The following LIMCH1 variants were observed in gnomAD, a reference collection of about 807,000 sequenced individuals.
The protein encoded by LIMCH1 is LIM and calponin homology domains-containing protein 1.
Under a neutral mutation model 176.5 loss-of-function variants are expected in LIMCH1, and 113 were observed. The observed-to-expected ratio is 0.64, with a 90% CI of 0.55 to 0.75. The LOEUF (loss-of-function observed/expected upper bound fraction) is 0.75. Ranked by LOEUF, LIMCH1 falls within the 30% of genes least tolerant of loss-of-function variation. The probability of loss-of-function intolerance (pLI) is 0.00; values close to 1 mark genes in which losing one functional copy is unlikely to be tolerated. For synonymous variants in LIMCH1, 619 were observed against 645.9 expected, an observed-to-expected ratio of 0.96 and a Z score of 0.63; for missense variants, 1,674 against 1,814.9, an observed-to-expected ratio of 0.92 and a Z score of 1.41.
chr4:41,658,880 A>C (rs2094534949), intron 18 of LIMCH1, among the ~76,000 whole-genome samples: 1 of 152,194 alleles, frequency 6.6e-6, no homozygotes, highest in Non-Finnish European at 1.5e-5. Flanking sequence ...TCAATATTTA[A>C]CTGCAAATTT....
At chr4:41,505,095 G>A (rs374360386) in intron 2 of LIMCH1, among the ~76,000 whole-genome samples, 5 of 152,268 alleles carry the variant, frequency 3.3e-5, no homozygotes, top group East Asian at 3.9e-4. Context: ...TTTGTTCAGT[G>A]TTTGGAACAT....
chr4:41,592,182 A>G (rs1561855150), intron 1 of LIMCH1, among the ~76,000 whole-genome samples: 1 of 152,196 alleles, frequency 6.6e-6, no homozygotes. Context: ...GCATCTCTGA[A>G]TATGTTTTCC....
At chr4:41,601,098 G>A (rs902809350) in intron 2 of LIMCH1, among the ~76,000 whole-genome samples, 1 of 151,954 alleles carries the variant, frequency 6.6e-6, no homozygotes, top group Admixed American at 6.6e-5. Context: ...ATTCCCCCAT[G>A]ACCCTGGCAT....
At position 41,646,198 on chromosome 4, in the gene LIMCH1, A is replaced by T. The variant is rs1285027464; in HGVS notation, c.2329A>T (p.Met777Leu). Residue 777 changes from methionine to leucine, a missense_variant, in exon 16 of 32, where the codon ATG becomes TTG. By Grantham distance (15) the Met-to-Leu change is conservative. Coordinates refer to ENST00000503057, the MANE Select transcript of LIMCH1 (RefSeq NM_001330672.2). ...CAAGAAAGAGGAAGAAAGGAAAAAA[A>T]TGGAGAAGTTACTGGCTGGAGAAGA... ...LIKKEEERKK[M>L]EKLLAGEDGT... 1.2e-6 allele frequency: 2 copies of T among 1,614,184 alleles called. No individual in the cohort carries two copies. Among genetic ancestry groups the T allele is most frequent in the Non-Finnish European group, 1.7e-6 (2 of 1,180,016 alleles).
intron 13 of LIMCH1, among the ~76,000 whole-genome samples, chr4:41,635,632 T>G (rs1217065434): frequency 6.6e-6 from 1 of 152,218 alleles, no homozygotes; most frequent in Non-Finnish European, 1.5e-5. Context: ...TGTGACATAT[T>G]GTGTGAATGA....
intron 1 of LIMCH1, among the ~76,000 whole-genome samples, chr4:41,361,788 C>G (rs1050215256): frequency 6.6e-6 from 1 of 152,042 alleles, no homozygotes; most frequent in Non-Finnish European, 1.5e-5. Flanking sequence ...GAACTGTCTG[C>G]GGGGTTCAGG....
chr4:41,373,844 A>T (rs1043704595), intron 1 of LIMCH1, among the ~76,000 whole-genome samples: 1 of 152,078 alleles, frequency 6.6e-6, no homozygotes, highest in Non-Finnish European at 1.5e-5. Context: ...AGGTGACTGG[A>T]TCATGGGGGC....
In LIMCH1 at chr4:41,638,950, T is replaced by C. The variant is rs748950721; in HGVS notation, c.2109T>C (p.Pro703=). Residue 703 remains proline, a synonymous_variant, in exon 14 of 32, where the codon CCT becomes CCC. Transcript: ENST00000503057. Reference sequence around the variant, plus strand: ...CTTATAGATACGGTCCGAGAACTCCTGTGTCTGATGACGCAGAGTAAGTTG... The same window carrying C: ...CTTATAGATACGGTCCGAGAACTCCCGTGTCTGATGACGCAGAGTAAGTTG... ...MKDQRYGPRT[P]VSDDAESTSM... is the part of the protein sequence containing the mutation. The C allele has an allele frequency of 6.3e-7, 1 of 1,593,346 alleles. No homozygotes were observed. Among genetic ancestry groups the C allele is most frequent in the South Asian group, 1.2e-5 (1 of 86,740 alleles).
intron 1 of LIMCH1, among the ~76,000 whole-genome samples, chr4:41,429,790 A>T (rs2061432887): frequency 6.6e-6 from 1 of 152,196 alleles, no homozygotes; most frequent in Non-Finnish European, 1.5e-5. Flanking sequence ...TATGCTACAT[A>T]TCCATGGAGG....
chr4:41,565,730 G>T (rs552014030), intron 1 of LIMCH1, among the ~76,000 whole-genome samples: 1 of 152,200 alleles, frequency 6.6e-6, no homozygotes, highest in Admixed American at 6.5e-5. Flanking sequence ...GACTGTCTCA[G>T]CCTTGGCACT....
At chr4:41,380,051 C>T (rs1045728093) in intron 1 of LIMCH1, among the ~76,000 whole-genome samples, 5 of 152,102 alleles carry the variant, frequency 3.3e-5, no homozygotes, top group South Asian at 4.1e-4. Context: ...GTGATCCACC[C>T]GTTTTGGCCT....
intron 2 of LIMCH1, 69 bp from the exon 3 acceptor site, chr4:41,603,806 A>G: frequency 1.8e-6 from 2 of 1,081,236 alleles, no homozygotes; most frequent in Non-Finnish European, 1.4e-6. Flanking sequence ...TCTTAGTGGC[A>G]TTTAAGGAAA....
intron 22 of LIMCH1, among the ~76,000 whole-genome samples, chr4:41,675,177 A>G (rs968451796): frequency 1.3e-5 from 2 of 152,230 alleles, no homozygotes; most frequent in Non-Finnish European, 2.9e-5. Context: ...TGATGAAGTT[A>G]TAAATCAAGC....
intron 1 of LIMCH1, among the ~76,000 whole-genome samples, chr4:41,441,361 C>A (rs754889177): frequency 6.6e-5 from 10 of 152,142 alleles, no homozygotes; most frequent in African/African-American, 2.2e-4. Context: ...GTTCCCTTGG[C>A]CAATCCTCTT....
intron 1 of LIMCH1, among the ~76,000 whole-genome samples, chr4:41,560,466 A>C (rs1283038967): frequency 1.3e-5 from 2 of 152,186 alleles, no homozygotes. Flanking sequence ...GTGAAAATCT[A>C]GGCTTCTGAA....
intron 1 of LIMCH1, among the ~76,000 whole-genome samples, chr4:41,377,757 A>G (rs1295176360): frequency 6.6e-6 from 1 of 152,224 alleles, no homozygotes; most frequent in Non-Finnish European, 1.5e-5. Context: ...GAATCCCAAG[A>G]TGTTGCGGGG....
chr4:41,615,731 A>G (rs576408667), intron 5 of LIMCH1, among the ~76,000 whole-genome samples: 81 of 152,356 alleles, frequency 5.3e-4, no homozygotes, highest in African/African-American at 1.9e-3. Flanking sequence ...CCAAATTTGA[A>G]AAAACTTGTT....
intron 1 of LIMCH1, among the ~76,000 whole-genome samples, chr4:41,402,935 C>A (rs1255696771): frequency 1.3e-5 from 2 of 150,736 alleles, no homozygotes; most frequent in Non-Finnish European, 2.9e-5. Flanking sequence ...ATGTAACTAA[C>A]CTGCACATTG....
At chr4:41,460,083 G>A (rs2065103212) in intron 1 of LIMCH1, among the ~76,000 whole-genome samples, 1 of 152,122 alleles carries the variant, frequency 6.6e-6, no homozygotes, top group African/African-American at 2.4e-5. Flanking sequence ...CAGAGAGGGG[G>A]TGTGGGCAGT....
Sources: allele counts gnomAD v4.1 joint callset (sites outside exome capture counted in the v4.1 genomes callset), GRCh38; gene constraint gnomAD v4.1.1; transcripts MANE v1.5; gene names NCBI Gene and HGNC (gene_info 2026-07-23, HGNC 2026-07-21).